ADAT1: variants seen among roughly 807,000 people sequenced by gnomAD.
The protein encoded by ADAT1 is adenosine deaminase tRNA specific 1.
In ADAT1, 58 loss-of-function variants were observed where a neutral mutation model predicts 58.6. The ratio of observed to expected loss-of-function variants is 0.99; its 90% confidence interval spans 0.80 to 1.23. The LOEUF (loss-of-function observed/expected upper bound fraction) is 1.23, where lower values mean the gene tolerates loss of function less well. Among genes scored for constraint, ADAT1 ranks in the 50% most tolerant of loss-of-function variants. ADAT1 has a pLI of 0.00. For synonymous variants in ADAT1, 254 were observed against 220.8 expected (o/e 1.15, Z -1.33); for missense variants, 741 against 608.6 (o/e 1.22, Z -2.29).
At chr16:75,615,474 ATG>A (rs2081673075) in intron 5 of ADAT1, among the ~76,000 whole-genome samples, 1 of 119,036 alleles carries the variant, frequency 8.4e-6, no homozygotes, top group South Asian at 3.4e-4. Flanking sequence ...ACGATAGTTG[ATG>A]AGCTAAAAAA....
chr16:75,612,372 C>T lies in ADAT1; in HGVS notation c.914G>A (p.Arg305Gln), dbSNP rs199507210. Residue 305 changes from arginine (R) to glutamine (Q), a missense_variant, in exon 6 of 10, where the codon CGA (arginine) becomes CAA (glutamine). By Grantham distance (43) the Arg-to-Gln change is conservative. Transcript: ENST00000564657. ...CCCTTGGCATCCGAGGACGTTCCAT[C>T]GGGCCATCTTGTCACTACAGGACAT... ...RSMSCSDKMA[R>Q]WNVLGCQGAL... The T allele has an allele frequency of 2.6e-4, 421 of 1,614,130 alleles. No individual in the cohort carries two copies. The highest frequency in any genetic ancestry group is 3.2e-4 in the Non-Finnish European group (379 of 1,180,060).
chr16:75,622,009 G>T (rs962583801), intron 1 of ADAT1, among the ~76,000 whole-genome samples: 1 of 152,196 alleles, frequency 6.6e-6, no homozygotes, highest in Non-Finnish European at 1.5e-5. Context: ...AATTAGCCGG[G>T]CGTGATGGCG....
chr16:75,607,660 A>C (rs978665774), intron 8 of ADAT1, among the ~76,000 whole-genome samples: 5 of 152,240 alleles, frequency 3.3e-5, no homozygotes, highest in Admixed American at 2.0e-4. Context: ...TATGGAAAAC[A>C]GTTTAGCAGT....
At position 75,599,700 on chromosome 16, in the gene ADAT1, A is replaced by C. The variant is rs559400190; in HGVS notation, c.*516T>G. The C allele has an allele frequency of 1.0e-6, 1 of 987,572 alleles. No homozygotes were observed. Among genetic ancestry groups the C allele is most frequent in the African/African-American group, 1.7e-5 (1 of 57,374 alleles). The allele number at this position is 987,572 out of a possible 1,614,324, so 61.2% of individuals were successfully genotyped here. ...CAGGGCTGGCTCACAGGCTATTCCT[A>C]GAGCCAGGGAGTAAGGTTAGCTTCA... On this transcript the variant is annotated 3_prime_UTR_variant, in exon 10 of 10. Transcript: ENST00000564657.
chr16:75,620,131 C>G, intron 3 of ADAT1, 135 bp downstream of exon 3: 1 of 833,634 alleles, frequency 1.2e-6, no homozygotes, highest in Non-Finnish European at 2.0e-6. Flanking sequence ...ACGGTCCTTC[C>G]AACTGGACTG....
intron 4 of ADAT1, 77 bp downstream of exon 4, chr16:75,618,509 C>CCCA: frequency 1.3e-6 from 1 of 780,226 alleles, no homozygotes; most frequent in Non-Finnish European, 1.9e-6. Context: ...CTGTCCCCCC[C>CCCA]AAAAAAAAAA....
At position 75,612,729 on chromosome 16, in the gene ADAT1, C is replaced by T. The variant is rs1437782178; in HGVS notation, c.557G>A (p.Cys186Tyr). 2 of 1,614,094 alleles carry T rather than the reference C, an allele frequency of 1.2e-6. No individual in the cohort carries two copies. The highest frequency in any genetic ancestry group is 1.3e-5 in the African/African-American group (1 of 75,016). The change falls in exon 6 of 10, where the codon TGT becomes TAT. Residue 186 changes from cysteine (C) to tyrosine (Y), a missense_variant. Cys to Tyr is a radical substitution (Grantham distance 194). Coordinates refer to ENST00000564657, the MANE Select transcript of ADAT1 (RefSeq NM_001324445.2). Reference protein sequence around the residue: ...NLEAPGNERKCEDPDSPVTKK... With the variant: ...NLEAPGNERKYEDPDSPVTKK... Reference sequence around the variant, plus strand: ...GGTTACAGGACTGTCAGGGTCTTCACATTTTCTTTCATTTCCAGGAGCTTC... The same window carrying T: ...GGTTACAGGACTGTCAGGGTCTTCATATTTTCTTTCATTTCCAGGAGCTTC...
intron 3 of ADAT1, among the ~76,000 whole-genome samples, chr16:75,619,333 G>A (rs1251276909): frequency 6.6e-6 from 1 of 152,060 alleles, no homozygotes; most frequent in Admixed American, 6.6e-5. Flanking sequence ...GACCAGCCTG[G>A]CTAACACAGT....
rs773860813 is a variant in ADAT1 at position 75,597,865 on chromosome 16, G to A, written c.*2351C>T. Among the ~76,000 whole-genome samples the A allele has an allele frequency of 6.6e-5, 10 of 152,302 alleles. No homozygotes were observed. Among genetic ancestry groups the A allele is most frequent in the East Asian group, 1.9e-4 (1 of 5,178 alleles). ...GAGGAGCTACGGCAGAAATGTGAGC[G>A]ATGGGGGGCAGCCATAAATACAGAT... On this transcript the variant is annotated 3_prime_UTR_variant, in exon 10 of 10. Coordinates refer to ENST00000564657, the MANE Select transcript of ADAT1 (RefSeq NM_001324445.2).
At chr16:75,621,137 T>C (rs2081920415) in intron 1 of ADAT1, among the ~76,000 whole-genome samples, 1 of 152,134 alleles carries the variant, frequency 6.6e-6, no homozygotes, top group East Asian at 2.0e-4. Context: ...ATGTCCTCAC[T>C]ACTCCAGTTT....
At position 75,616,887 on chromosome 16, in the gene ADAT1, G is replaced by A. The variant is rs553234247; in HGVS notation, c.424+255C>T. ...GTTTCAGCCTTACGCTCCTAATCCTGATTCTGAGAATTGACTAATAGTATG... is the reference window on the plus strand; with the variant it reads ...GTTTCAGCCTTACGCTCCTAATCCTAATTCTGAGAATTGACTAATAGTATG... On this transcript the variant is annotated intron_variant, in intron 5 of 9. Coordinates refer to ENST00000564657, the MANE Select transcript of ADAT1 (RefSeq NM_001324445.2). Among the ~76,000 whole-genome samples, 5 of 152,332 alleles carry A rather than the reference G, an allele frequency of 3.3e-5. No homozygotes were observed. The East Asian group carries it at 5.8e-4, about 18-fold the overall frequency.
At position 75,612,806 on chromosome 16, in the gene ADAT1, A is replaced by G. The variant is rs753559534; in HGVS notation, c.480T>C (p.Pro160=). 6.2e-7 allele frequency: 1 copy of G among 1,614,122 alleles called. No individual in the cohort carries two copies. Among genetic ancestry groups the G allele is most frequent in the Admixed American group, 1.7e-5 (1 of 59,994 alleles). The change falls in exon 6 of 10, where the codon CCT becomes CCC. Residue 160 remains proline (P), a synonymous_variant. Transcript: ENST00000564657. ...MLEFEDQPCC[P]VFRNWAHNSS... ...AGTTGTGGGCCCAATTTCTGAAGACAGGACAGCAAGGCTGATCTTCAAACT... is the reference window on the plus strand; with the variant it reads ...AGTTGTGGGCCCAATTTCTGAAGACGGGACAGCAAGGCTGATCTTCAAACT...
Position 75,612,533 on chromosome 16 carries a change from G to C in ADAT1, c.753C>G (p.Ala251=). The change falls in exon 6 of 10, where the codon GCC becomes GCG. Residue 251 remains alanine (A), a synonymous_variant. Transcript: ENST00000564657. The part of the protein sequence containing the change: ...ATVTRIAPGS[A]KVIDVYRTGA... The stretch of plus-strand genomic sequence containing the variant: ...CAGTTCTATAAACGTCTATCACTTT[G>C]GCACTACCAGGGGCTATTCTGGTGA... 1.2e-6 allele frequency: 2 copies of C among 1,614,108 alleles called. No individual in the cohort carries two copies. The highest frequency in any genetic ancestry group is 1.7e-6 in the Non-Finnish European group (2 of 1,180,036).
At chr16:75,616,615 A>G (rs1253442631) in intron 5 of ADAT1, among the ~76,000 whole-genome samples, 2 of 152,164 alleles carry the variant, frequency 1.3e-5, no homozygotes, top group African/African-American at 2.4e-5. Context: ...TTATGCAACC[A>G]TAGCACCTGA....
At chr16:75,614,378 A>G (rs2081641415) in intron 5 of ADAT1, among the ~76,000 whole-genome samples, 1 of 152,208 alleles carries the variant, frequency 6.6e-6, no homozygotes, top group South Asian at 2.1e-4. Context: ...TCCTTACAGG[A>G]AACAGAAGAA....
At chr16:75,604,750 C>T (rs1335599398) in intron 8 of ADAT1, among the ~76,000 whole-genome samples, 2 of 151,830 alleles carry the variant, frequency 1.3e-5, no homozygotes, top group African/African-American at 2.4e-5. Context: ...AAGGTTCTGG[C>T]CAGCAGGACA....
intron 2 of ADAT1, 60 bp downstream of exon 2, chr16:75,620,571 G>T: frequency 6.3e-7 from 1 of 1,580,364 alleles, no homozygotes; most frequent in Non-Finnish European, 8.6e-7. Context: ...TCACAGTACA[G>T]CAATGCATAA....
In ADAT1 at chr16:75,618,592, A is replaced by G; in HGVS notation, c.287T>C (p.Phe96Ser). 6.2e-7 allele frequency: 1 copy of G among 1,604,748 alleles called. No individual in the cohort carries two copies. Among genetic ancestry groups the G allele is most frequent in the South Asian group, 1.1e-5 (1 of 89,812 alleles). The change falls in exon 4 of 10, where the codon TTC (phenylalanine) becomes TCC (serine). Residue 96 changes from phenylalanine to serine, a missense_variant. Physicochemically the swap from Phe to Ser is radical, Grantham distance 155. Coordinates refer to ENST00000564657, the MANE Select transcript of ADAT1 (RefSeq NM_001324445.2). The part of the protein sequence containing the change: ...SHAEVIARRS[F>S]QRYLLHQLQL... Reference sequence around the variant, plus strand: ...TCTGGAGATGTGGCTTTACCTTTGGAAACTCCTTCTGGCTATGACCTCAGC... The same window carrying G: ...TCTGGAGATGTGGCTTTACCTTTGGGAACTCCTTCTGGCTATGACCTCAGC...
At chr16:75,617,409 A>G in intron 4 of ADAT1, 137 bp from the exon 5 acceptor site, 1 of 920,304 alleles carries the variant, frequency 1.1e-6, no homozygotes, top group Non-Finnish European at 1.6e-6. Context: ...AGAATGCTCT[A>G]GACCAGTGAT....
Sources: gnomAD v4.1 joint callset for allele counts (sites outside exome capture counted in the v4.1 genomes callset) on GRCh38, gnomAD v4.1.1 for gene constraint, MANE v1.5 for transcripts, NCBI Gene and HGNC (gene_info 2026-07-23, HGNC 2026-07-21) for gene names.